Variants in FKBP6 observed in about 807,000 individuals in gnomAD.
FKBP6 encodes FKBP prolyl isomerase family member 6 (inactive).
Under a neutral mutation model 41.7 loss-of-function variants are expected in FKBP6, and 29 were observed. The observed-to-expected ratio is 0.70, with a 90% CI of 0.52 to 0.95. The LOEUF (loss-of-function observed/expected upper bound fraction) is 0.95. FKBP6 is among the 40% of genes least tolerant of loss of function. FKBP6 has a pLI of 0.00. For missense variants in FKBP6, 338 were observed against 408.7 expected (o/e 0.83, Z 1.49); for synonymous variants, 130 against 165.1 (o/e 0.79, Z 1.63).
chr7:73,342,389 C>G (rs775170588), intron 7 of FKBP6, among the ~76,000 whole-genome samples: 9 of 152,220 alleles, frequency 5.9e-5, no homozygotes, highest in Non-Finnish European at 1.2e-4. Context: ...ATGTGAGTAT[C>G]TCTTAGGTTA....
At chr7:73,355,322 C>T (rs1488442877) in intron 8 of FKBP6, among the ~76,000 whole-genome samples, 1 of 152,218 alleles carries the variant, frequency 6.6e-6, no homozygotes, top group Non-Finnish European at 1.5e-5. Flanking sequence ...TGACTTTGCA[C>T]CTCTGTGCGA....
chr7:73,336,892 G>A (rs1337828389), intron 5 of FKBP6: 14 of 444,520 alleles, frequency 3.1e-5, no homozygotes, highest in Middle Eastern at 3.3e-4. Flanking sequence ...ACTTGATGAC[G>A]TTGTATATGA....
At chr7:73,347,185 T>G (rs1442231377) in intron 8 of FKBP6, among the ~76,000 whole-genome samples, 1 of 152,260 alleles carries the variant, frequency 6.6e-6, no homozygotes, top group Non-Finnish European at 1.5e-5. Context: ...TACTGTTTTC[T>G]TAGTGTATTT....
At chr7:73,357,859 G>A (rs569998109) in intron 8 of FKBP6, among the ~76,000 whole-genome samples, 23 of 151,776 alleles carry the variant, frequency 1.5e-4, no homozygotes, top group African/African-American at 4.6e-4. Flanking sequence ...GTGGTGGTGC[G>A]TGCCTGTAAT....
At chr7:73,357,631 C>G (rs1261695435) in intron 8 of FKBP6, among the ~76,000 whole-genome samples, 6 of 151,990 alleles carry the variant, frequency 3.9e-5, no homozygotes, top group African/African-American at 1.5e-4. Flanking sequence ...GGGGTCTGTT[C>G]CTGACACCCC....
intron 5 of FKBP6, among the ~76,000 whole-genome samples, chr7:73,338,791 C>T (rs959994628): frequency 1.3e-5 from 2 of 152,068 alleles, no homozygotes; most frequent in East Asian, 1.9e-4. Flanking sequence ...AATGTCTATT[C>T]GGAGTCTATG....
chr7:73,350,491 G>T (rs1055142918), intron 8 of FKBP6, among the ~76,000 whole-genome samples: 1 of 152,092 alleles, frequency 6.6e-6, no homozygotes, highest in Non-Finnish European at 1.5e-5. Context: ...TGACCCCGAA[G>T]CGGCCATGCA....
chr7:73,331,853 G>C, intron 5 of FKBP6, 77 bp downstream of exon 5: 1 of 1,496,120 alleles, frequency 6.7e-7, no homozygotes, highest in Non-Finnish European at 9.3e-7. Flanking sequence ...ATTTTGTTTT[G>C]TTGTGATTTT....
intron 2 of FKBP6, among the ~76,000 whole-genome samples, chr7:73,329,023 T>C (rs1203797966): frequency 2.0e-5 from 3 of 152,122 alleles, no homozygotes; most frequent in Admixed American, 1.3e-4. Context: ...CAGGCTGGTC[T>C]CAGACTCCTG....
At chr7:73,335,679 C>T (rs1262526487) in intron 5 of FKBP6, among the ~76,000 whole-genome samples, 4 of 152,118 alleles carry the variant, frequency 2.6e-5, no homozygotes, top group Non-Finnish European at 5.9e-5. Flanking sequence ...AGCTCTAATT[C>T]CTGGTTCCAT....
chr7:73,351,076 AT>A (rs1386055110), intron 8 of FKBP6, among the ~76,000 whole-genome samples: 51 of 151,350 alleles, frequency 3.4e-4, no homozygotes, highest in African/African-American at 7.8e-4. Flanking sequence ...TTTTGTAATT[AT>A]TTTTTTTTCC....
chr7:73,328,893 C>G (rs1306621852), intron 2 of FKBP6, among the ~76,000 whole-genome samples: 2 of 152,094 alleles, frequency 1.3e-5, no homozygotes, highest in African/African-American at 2.4e-5. Flanking sequence ...ACTGCAGCCT[C>G]CACCTCCTGG....
intron 8 of FKBP6, among the ~76,000 whole-genome samples, chr7:73,354,084 G>C (rs1554551524): frequency 6.6e-6 from 1 of 152,184 alleles, no homozygotes; most frequent in Non-Finnish European, 1.5e-5. Context: ...AGCTGGTGGT[G>C]GTGAGCTGCA....
chr7:73,350,925 G>T (rs1376699846), intron 8 of FKBP6, among the ~76,000 whole-genome samples: 1 of 152,292 alleles, frequency 6.6e-6, no homozygotes, highest in African/African-American at 2.4e-5. Context: ...CTCGGTATGT[G>T]ACTGGATCTA....
chr7:73,354,141 C>T (rs950997960), intron 8 of FKBP6, among the ~76,000 whole-genome samples: 3 of 152,148 alleles, frequency 2.0e-5, no homozygotes, highest in Non-Finnish European at 4.4e-5. Flanking sequence ...GCCTGGCCCA[C>T]CCCCAAAACC....
At chr7:73,334,566 T>G (rs1339989036) in intron 5 of FKBP6, among the ~76,000 whole-genome samples, 5 of 152,142 alleles carry the variant, frequency 3.3e-5, no homozygotes, top group African/African-American at 1.2e-4. Flanking sequence ...GGAGGATTGC[T>G]TGAAGCCAGG....
rs782791513 is a variant in FKBP6 at position 73,340,657 on chromosome 7, G to A, written c.608G>A (p.Arg203Gln). Residue 203 changes from arginine to glutamine, a missense_variant, in exon 6 of 9, where the codon CGG (arginine) becomes CAG (glutamine). Around this residue, in one of 2 missense-constraint regions of FKBP6, gnomAD observed 239 missense variants for 250.1 expected, o/e 0.96. Transcript: ENST00000252037. Reference protein sequence around the residue: ...RYKRALLLLRRRSAPPEEQHL... With the variant: ...RYKRALLLLRQRSAPPEEQHL... ...CCACAGGCCCTATTGCTTCTGCGCC[G>A]GCGATCAGCACCCCCTGAAGAGCAG... 19 of 1,613,598 alleles carry A rather than the reference G, an allele frequency of 1.2e-5. No individual in the cohort carries two copies. The South Asian group carries it at 1.2e-4, about 10-fold the overall frequency.
chr7:73,349,656 G>C (rs1345636511), intron 8 of FKBP6, among the ~76,000 whole-genome samples: 4 of 146,318 alleles, frequency 2.7e-5, no homozygotes, highest in African/African-American at 1.0e-4. Flanking sequence ...AGAAGTTGCA[G>C]TGAGGTCAGA....
chr7:73,331,843 ATTTTGTTTTGTTGTGAT>A, intron 5 of FKBP6, 67 bp downstream of exon 5: 1 of 1,519,334 alleles, frequency 6.6e-7, no homozygotes. Flanking sequence ...AAAAACACAG[ATTTTGTTTTGTTGTGAT>A]TTTTGTTTTG....
Sources: allele counts gnomAD v4.1 joint callset (sites outside exome capture counted in the v4.1 genomes callset), GRCh38; gene constraint gnomAD v4.1.1; regional missense constraint gnomAD v4.1.1; transcripts MANE v1.5; gene names NCBI Gene and HGNC (gene_info 2026-07-23, HGNC 2026-07-21).